ROS1: variants seen among roughly 807,000 people sequenced by gnomAD.
The protein encoded by ROS1 is proto-oncogene tyrosine-protein kinase ROS.
ROS1 carries 263 observed loss-of-function variants against 273.5 expected under a neutral mutation model. The ratio of observed to expected loss-of-function variants is 0.96; its 90% CI spans 0.87 to 1.06. ROS1 has a LOEUF of 1.06. Ranked by LOEUF, ROS1 falls within the 50% of genes least tolerant of loss-of-function variation. The probability of loss-of-function intolerance (pLI) is 0.00; values close to 1 mark genes in which losing one functional copy is unlikely to be tolerated. For synonymous variants in ROS1, 1,008 were observed against 954.1 expected (o/e 1.06, Z -1.04); for missense variants, 2,833 against 2,751.1 (o/e 1.03, Z -0.67).
intron 34 of ROS1, 96 bp from the exon 35 acceptor site, chr6:117,324,511 C>A (rs2128575567): frequency 3.3e-6 from 2 of 604,580 alleles, no homozygotes; most frequent in Non-Finnish European, 2.9e-6. Context: ...GCAGAGCTAG[C>A]TACTACTGGA....
At chr6:117,360,488 G>A (rs1420745159) in intron 22 of ROS1, 83 bp from the exon 23 acceptor site, 18 of 890,330 alleles carry the variant, frequency 2.0e-5, no homozygotes, top group Non-Finnish European at 2.8e-5. Flanking sequence ...ATTACTAAAT[G>A]TTTCATTTCA....
intron 39 of ROS1, among the ~76,000 whole-genome samples, chr6:117,313,921 A>G (rs1312024543): frequency 6.6e-6 from 1 of 152,150 alleles, no homozygotes. Flanking sequence ...GTTGCAGCGA[A>G]GGAGACGAAG....
rs958942115 is a variant in ROS1, at chr6:117,360,768, T to C, written c.3367-363A>G. On this transcript the variant is annotated intron_variant, in intron 22 of 43. Coordinates refer to ENST00000368507, the MANE Select transcript of ROS1 (RefSeq NM_001378902.1). ...TGTATACATTTATTAAGTCATGTTG[T>C]ACAGCTTGAATATATATATATCAAT... 3.9e-5 allele frequency among the ~76,000 whole-genome samples: 6 copies of C among 152,270 alleles called. No homozygotes were observed. In the East Asian group the frequency reaches 5.8e-4, roughly 15 times the overall value.
intron 7 of ROS1, among the ~76,000 whole-genome samples, chr6:117,398,693 A>AAAAAAAAAC (rs1554252569): frequency 2.1e-5 from 3 of 141,094 alleles, no homozygotes; most frequent in Non-Finnish European, 3.2e-5. Flanking sequence ...AAAAAAAAAA[A>AAAAAAAAAC]AAAACTCGCG....
intron 5 of ROS1, 112 bp downstream of exon 5, chr6:117,409,470 T>G (rs946470687): frequency 2.7e-5 from 21 of 766,924 alleles, no homozygotes; most frequent in Non-Finnish European, 4.9e-5. Flanking sequence ...TTTTTGATCA[T>G]ATTGAGATGC....
At chr6:117,419,282 A>T (rs1775574173) in intron 1 of ROS1, among the ~76,000 whole-genome samples, 1 of 152,198 alleles carries the variant, frequency 6.6e-6, no homozygotes, top group Admixed American at 6.5e-5. Context: ...TAAAGGAGTA[A>T]ATCCATTAAT....
intron 2 of ROS1, among the ~76,000 whole-genome samples, chr6:117,417,772 C>T (rs1775444399): frequency 6.6e-6 from 1 of 152,220 alleles, no homozygotes; most frequent in African/African-American, 2.4e-5. Context: ...AGGGCCTTCT[C>T]TGATCGATAG....
At chr6:117,369,909 G>A (rs9387467) in intron 18 of ROS1, among the ~76,000 whole-genome samples, 9,931 of 151,960 alleles carry the variant, frequency 0.065, 384 homozygotes, top group Middle Eastern at 0.099. Flanking sequence ...GCATCCACGT[G>A]CATACACATA....
chr6:117,301,362 AAC>A, intron 42 of ROS1: 1 of 386,934 alleles, frequency 2.6e-6, no homozygotes, highest in Non-Finnish European at 4.6e-6. Flanking sequence ...ACATTATTTT[AAC>A]AGTTATTATT....
intron 39 of ROS1, 137 bp from the exon 40 acceptor site, chr6:117,311,254 T>C (rs979977164): frequency 4.2e-6 from 2 of 472,424 alleles, no homozygotes; most frequent in Non-Finnish European, 7.4e-6. Context: ...TTTTTAGTTA[T>C]GATTATAAGA....
chr6:117,310,122 T>TTC lies in ROS1; in HGVS notation c.6373_6374dup (p.Ser2126LysfsTer3). ...TAGTGAAGATTCCATCCATCAAACTTTCTGGAGCCATCCACCGAACTGGGA... is the reference window on the plus strand; with the variant it reads ...TAGTGAAGATTCCATCCATCAAACTTTCTCTGGAGCCATCCACCGAACTGGGA... On this transcript the variant is annotated frameshift_variant, in exon 41 of 44. Coordinates refer to ENST00000368507, the MANE Select transcript of ROS1 (RefSeq NM_001378902.1). LOFTEE classifies it high-confidence loss of function. 6.2e-7 allele frequency: 1 copy of TTC among 1,613,490 alleles called. No homozygotes were observed. The highest frequency in any genetic ancestry group is 1.1e-5 in the South Asian group (1 of 91,062).
At position 117,394,678 on chromosome 6, in the gene ROS1, A is replaced by C. The variant is rs767029887; in HGVS notation, c.944T>G (p.Leu315Ter). 1 of 1,612,144 alleles carries C rather than the reference A, an allele frequency of 6.2e-7. No homozygotes were observed. The highest frequency in any genetic ancestry group is 1.7e-5 in the Admixed American group (1 of 59,970). ...ATGTGCTTCATCTACTAAATGTTTTAAAGATCTCTTTCTTAGAGAAGTTTT... is the reference window on the plus strand; with the variant it reads ...ATGTGCTTCATCTACTAAATGTTTTCAAGATCTCTTTCTTAGAGAAGTTTT... ...SRKTSLRKRS[L>*]KHLVDEAHCL... The change falls in exon 10 of 44, where the codon TTA becomes TGA. Residue 315 changes from leucine (L) to a stop codon, truncating the protein, a stop_gained. Transcript: ENST00000368507. LOFTEE classifies it high-confidence loss of function.
At chr6:117,396,290 C>T (rs1265700840) in intron 8 of ROS1, 26 bp from the exon 9 acceptor site, 6 of 1,512,110 alleles carry the variant, frequency 4.0e-6, no homozygotes, top group Non-Finnish European at 4.6e-6. Context: ...TTTGGAGAGA[C>T]GTGTTTCACA....
In ROS1 at chr6:117,362,722, T is replaced by C. The variant is rs1779904625; in HGVS notation, c.3247A>G (p.Ile1083Val). 1 of 1,613,770 alleles carries C rather than the reference T, an allele frequency of 6.2e-7. No individual in the cohort carries two copies. Among genetic ancestry groups the C allele is most frequent in the Non-Finnish European group, 8.5e-7 (1 of 1,179,734 alleles). The change falls in exon 22 of 44, where the codon ATA becomes GTA. Residue 1083 changes from isoleucine to valine, a missense_variant. Physicochemically the swap from Ile to Val is conservative, Grantham distance 29. Transcript: ENST00000368507. ...TTGTTTGTAATACTTTGATTGGATA[T>C]ATTGTAGAAAATTTCAAATTTTGTT... is the stretch of plus-strand genomic sequence containing the variant. ...VLTKFEIFYNISNQSITNKTC... is the reference protein window; with the variant it reads ...VLTKFEIFYNVSNQSITNKTC...
chr6:117,382,869 G>A (rs750678050), intron 17 of ROS1, among the ~76,000 whole-genome samples: 5 of 151,998 alleles, frequency 3.3e-5, no homozygotes, highest in African/African-American at 4.8e-5. Context: ...AAAGAAACAC[G>A]GAGAAGTGAA....
intron 16 of ROS1, 74 bp from the exon 17 acceptor site, chr6:117,383,582 A>T: frequency 9.0e-7 from 1 of 1,111,064 alleles, no homozygotes. Flanking sequence ...TATTGCAATC[A>T]TTAATAAATT....
At chr6:117,410,864 G>C (rs188540088) in intron 4 of ROS1, among the ~76,000 whole-genome samples, 1 of 152,236 alleles carries the variant, frequency 6.6e-6, no homozygotes, top group East Asian at 1.9e-4. Flanking sequence ...CTCAGTTTGG[G>C]TTTGGAATTA....
rs189440795 is a variant in ROS1, at chr6:117,359,413, G to C, written c.3633+396C>G. Among the ~76,000 whole-genome samples, 279 of 152,272 alleles carry C rather than the reference G, an allele frequency of 1.8e-3. 3 individuals carry two copies. Among genetic ancestry groups the C allele is most frequent in the African/African-American group, 6.4e-3 (264 of 41,546 alleles). On this transcript the variant is annotated intron_variant, in intron 24 of 43. Coordinates refer to ENST00000368507, the MANE Select transcript of ROS1 (RefSeq NM_001378902.1). ...ACCACAGAGGTTAAATAACTTGCCAGTGGTCACAAATCTAGTAAGTAGTAG... is the reference window on the plus strand; with the variant it reads ...ACCACAGAGGTTAAATAACTTGCCACTGGTCACAAATCTAGTAAGTAGTAG...
chr6:117,325,330 T>G (rs1452232737), intron 34 of ROS1, among the ~76,000 whole-genome samples: 1 of 152,070 alleles, frequency 6.6e-6, no homozygotes, highest in African/African-American at 2.4e-5. Context: ...ACAGGGTAGG[T>G]AGTGGGGACC....
Sources: allele counts gnomAD v4.1 joint callset (sites outside exome capture counted in the v4.1 genomes callset), GRCh38; gene constraint gnomAD v4.1.1; transcripts MANE v1.5; gene names NCBI Gene and HGNC (gene_info 2026-07-23, HGNC 2026-07-21).